Variants in HOOK3 observed in about 807,000 individuals in gnomAD.
The protein encoded by HOOK3 is hook microtubule tethering protein 3.
HOOK3 carries 24 observed loss-of-function variants against 116.3 expected under a neutral mutation model. That is an observed-to-expected ratio of 0.21 (90% CI 0.15 to 0.29). The LOEUF is 0.29. HOOK3 is among the 10% of genes least tolerant of loss of function. The pLI, the probability that HOOK3 is intolerant of heterozygous loss-of-function variation, is 1.00. For missense variants in HOOK3, 632 were observed against 830.2 expected (o/e 0.76, Z 2.93); for synonymous variants, 275 against 283.0 (o/e 0.97, Z 0.28).
At chr8:42,993,986 T>C (rs1809217378) in intron 15 of HOOK3, among the ~76,000 whole-genome samples, 1 of 152,092 alleles carries the variant, frequency 6.6e-6, no homozygotes, top group South Asian at 2.1e-4. Context: ...TCATTTCAAA[T>C]TCATTTATTT....
rs966008286 is a variant in HOOK3 at position 43,019,022 on chromosome 8, A to G, written c.*524A>G. On this transcript the variant is annotated 3_prime_UTR_variant, in exon 22 of 22. Transcript: ENST00000307602. ...AAGTGTTCTTTTTGCAAAGACTTGA[A>G]TACATTGGCAGAGGTGCTAATCACA... 2 of 208,266 alleles carry G rather than the reference A, an allele frequency of 9.6e-6. No individual in the cohort carries two copies. The highest frequency in any genetic ancestry group is 2.0e-5 in the Non-Finnish European group (2 of 102,128). The allele number at this position is 208,266 out of a possible 1,614,324, so 12.9% of individuals were successfully genotyped here. A position where few individuals can be genotyped will look rare whatever the true frequency, so the allele number is the denominator to read the frequency against.
Position 43,021,593 on chromosome 8 carries a change from G to A in HOOK3, c.*3095G>A, listed in dbSNP as rs944808265. On this transcript the variant is annotated 3_prime_UTR_variant, in exon 22 of 22. Transcript: ENST00000307602. ...TGAGATTACAGGCACGAGCCACCGC[G>A]CCCAGTCGTACTTCTGACTTTTCTT... 2 of 179,292 alleles carry A rather than the reference G, an allele frequency of 1.1e-5. No individual in the cohort carries two copies. The highest frequency in any genetic ancestry group is 1.9e-4 in the East Asian group (2 of 10,714). 11.1% of individuals were successfully genotyped at this position (179,292 alleles called of 1,614,324 possible).
At chr8:43,010,557 A>G in intron 19 of HOOK3, 152 bp downstream of exon 19, 1 of 263,254 alleles carries the variant, frequency 3.8e-6, no homozygotes, top group Non-Finnish European at 7.8e-6. Context: ...GAACCTGAGC[A>G]ACAAGCAGTG....
chr8:42,982,624 C>T lies in HOOK3; in HGVS notation c.1322-3C>T, dbSNP rs1586621102. The T allele has an allele frequency of 6.3e-7, 1 of 1,598,252 alleles. No individual in the cohort carries two copies. Among genetic ancestry groups the T allele is most frequent in the African/African-American group, 1.3e-5 (1 of 74,718 alleles). ...CCTTATATTTATGTTTGTATATTTA[C>T]AGGGTTAATGCCTCTTGGAAGTCAG... On this transcript the variant is annotated splice_region_variant and splice_polypyrimidine_tract_variant and intron_variant, in intron 13 of 21. Transcript: ENST00000307602.
intron 2 of HOOK3, among the ~76,000 whole-genome samples, chr8:42,910,975 G>A: frequency 6.6e-6 from 1 of 152,198 alleles, no homozygotes. Context: ...AAATCTAAAA[G>A]TCACAGATTT....
At chr8:42,917,813 A>C (rs1166110059) in intron 2 of HOOK3, among the ~76,000 whole-genome samples, 1 of 152,218 alleles carries the variant, frequency 6.6e-6, no homozygotes, top group African/African-American at 2.4e-5. Context: ...GTCTGTTGGA[A>C]TCTATCCATT....
At chr8:42,971,886 G>T (rs1274119465) in intron 11 of HOOK3, among the ~76,000 whole-genome samples, 1 of 151,916 alleles carries the variant, frequency 6.6e-6, no homozygotes, top group South Asian at 2.1e-4. Context: ...TCACCATGTT[G>T]CCCCCAGGGT....
chr8:42,941,094 C>G (rs1808107862), intron 4 of HOOK3, among the ~76,000 whole-genome samples: 1 of 151,934 alleles, frequency 6.6e-6, no homozygotes, highest in Admixed American at 6.6e-5. Context: ...CCACAGTCTC[C>G]TGCCACCACA....
intron 2 of HOOK3, among the ~76,000 whole-genome samples, chr8:42,924,739 G>A (rs1009630630): frequency 2.6e-5 from 4 of 152,132 alleles, no homozygotes; most frequent in Admixed American, 2.6e-4. Flanking sequence ...TTGGGAGGCC[G>A]AGGTGGACGA....
intron 16 of HOOK3, 97 bp downstream of exon 16, chr8:42,997,734 G>A (rs1809306459): frequency 2.7e-6 from 2 of 740,518 alleles, no homozygotes; most frequent in African/African-American, 3.5e-5. Context: ...AAATAATTTA[G>A]TATTATATTG....
chr8:42,973,306 C>A lies in HOOK3; in HGVS notation c.1140C>A (p.Asn380Lys), dbSNP rs780327378. The A allele has an allele frequency of 8.7e-6, 14 of 1,610,996 alleles. No individual in the cohort carries two copies. Among genetic ancestry groups the A allele is most frequent in the Non-Finnish European group, 1.2e-5 (14 of 1,178,956 alleles). The change falls in exon 12 of 22, where the codon AAC becomes AAA. Residue 380 changes from asparagine to lysine, a missense_variant. By Grantham distance (94) the Asn-to-Lys change is moderately conservative (BLOSUM62 0). Around this residue, in one of 3 missense-constraint regions of HOOK3, gnomAD observed 483 missense variants for 648.1 expected, o/e 0.75. Transcript: ENST00000307602. ...TGTATCAGGTAGTAGAACTACAAAA[C>A]AGATTATCCGAAGAATCAAAGAAAG... ...TYKRQVVELQNRLSEESKKAD... is the reference protein window; with the variant it reads ...TYKRQVVELQKRLSEESKKAD...
chr8:42,907,542 A>G (rs1398777361), intron 2 of HOOK3, among the ~76,000 whole-genome samples: 3 of 152,216 alleles, frequency 2.0e-5, no homozygotes, highest in Non-Finnish European at 2.9e-5. Context: ...GTGGTGCCCT[A>G]ATTTTAGCTT....
chr8:42,976,179 T>C (rs1398503944), intron 13 of HOOK3, among the ~76,000 whole-genome samples: 1 of 152,078 alleles, frequency 6.6e-6, no homozygotes, highest in Non-Finnish European at 1.5e-5. Flanking sequence ...CCAACAGTGC[T>C]ATTCAGGTTA....
chr8:42,982,029 G>C (rs1218960114), intron 13 of HOOK3, among the ~76,000 whole-genome samples: 14 of 151,032 alleles, frequency 9.3e-5, no homozygotes, highest in Non-Finnish European at 1.8e-4. Flanking sequence ...TGAGGTGGGA[G>C]GATCACCTGA....
intron 15 of HOOK3, among the ~76,000 whole-genome samples, chr8:42,992,379 G>A (rs542868704): frequency 3.4e-4 from 41 of 118,862 alleles, no homozygotes; most frequent in Middle Eastern, 7.8e-3. Context: ...CAGCCTGGGC[G>A]ACAGAGTGAG....
chr8:43,007,001 G>A (rs934979433), intron 17 of HOOK3, among the ~76,000 whole-genome samples: 7 of 142,140 alleles, frequency 4.9e-5, no homozygotes, highest in African/African-American at 7.9e-5. Flanking sequence ...TAAAGTACAC[G>A]TCTTAAGTTC....
At chr8:42,967,413 T>C (rs1459791477) in intron 10 of HOOK3, among the ~76,000 whole-genome samples, 1 of 152,176 alleles carries the variant, frequency 6.6e-6, no homozygotes, top group Non-Finnish European at 1.5e-5. Flanking sequence ...ACCCTTTCTT[T>C]AGTGAGTGTA....
chr8:42,914,859 G>A (rs1807500825), intron 2 of HOOK3, among the ~76,000 whole-genome samples: 1 of 152,152 alleles, frequency 6.6e-6, no homozygotes, highest in Non-Finnish European at 1.5e-5. Context: ...GCTCATGCCT[G>A]TAATCCCAGC....
At chr8:43,008,668 T>TATTTTTATTTA (rs1356522238) in intron 18 of HOOK3, among the ~76,000 whole-genome samples, 11 of 134,894 alleles carry the variant, frequency 8.2e-5, no homozygotes, top group South Asian at 5.0e-4. Flanking sequence ...TTTTTATTTT[T>TATTTTTATTTA]TTTTTTTTTG....
Sources: allele counts gnomAD v4.1 joint callset (sites outside exome capture counted in the v4.1 genomes callset), GRCh38; gene constraint gnomAD v4.1.1; regional missense constraint gnomAD v4.1.1; transcripts MANE v1.5; gene names NCBI Gene and HGNC (gene_info 2026-07-23, HGNC 2026-07-21).